Variants in SHOC1 observed in about 807,000 individuals in gnomAD.
The protein encoded by SHOC1 is protein shortage in chiasmata 1 ortholog.
Under a neutral mutation model 179.2 loss-of-function variants are expected in SHOC1, and 136 were observed. That is an observed-to-expected ratio of 0.76 (90% CI 0.66 to 0.87). SHOC1 has a LOEUF of 0.87. SHOC1 is among the 40% of genes least tolerant of loss of function. SHOC1 has a pLI of 0.00. For synonymous variants in SHOC1, 489 were observed against 586.6 expected (o/e 0.83, Z 2.41); for missense variants, 1,538 against 1,700.8 (o/e 0.90, Z 1.68).
rs533755179 is a variant in SHOC1, at chr9:111,703,948, T to G, written c.2900A>C (p.Lys967Thr). 3 of 1,608,460 alleles carry G rather than the reference T, an allele frequency of 1.9e-6. No homozygotes were observed. The African/African-American group carries it at 4.0e-5, about 21-fold the overall frequency. Residue 967 changes from lysine (K) to threonine (T), a missense_variant, in exon 22 of 28, where the codon AAA becomes ACA. Transcript: ENST00000682961. The stretch of plus-strand genomic sequence containing the variant: ...ATAACACTCTGAACTTCCAAAGAGT[T>G]TCAATGACTCACTGCAGCCTCTCTC... ...LVERGCSESL[K>T]LFGSSECYVV...
At chr9:111,731,286 A>G (rs1473885131) in intron 12 of SHOC1, among the ~76,000 whole-genome samples, 1 of 152,182 alleles carries the variant, frequency 6.6e-6, no homozygotes, top group Non-Finnish European at 1.5e-5. Flanking sequence ...CAACTTGGCA[A>G]CTGGCCAAAA....
intron 18 of SHOC1, among the ~76,000 whole-genome samples, chr9:111,712,553 G>A (rs530416193): frequency 6.6e-6 from 1 of 152,148 alleles, no homozygotes; most frequent in Non-Finnish European, 1.5e-5. Context: ...AAAGAGCAGA[G>A]TTTGCATAAC....
intron 2 of SHOC1, among the ~76,000 whole-genome samples, chr9:111,787,149 G>A (rs1471700589): frequency 6.6e-6 from 1 of 152,190 alleles, no homozygotes; most frequent in Non-Finnish European, 1.5e-5. Context: ...GGCCACCCAA[G>A]AGCTCTGATG....
intron 8 of SHOC1, among the ~76,000 whole-genome samples, chr9:111,751,739 TG>T (rs1244747008): frequency 6.6e-5 from 10 of 152,196 alleles, no homozygotes; most frequent in Admixed American, 6.5e-4. Flanking sequence ...ATCTGGCTTT[TG>T]TTTTAAGAAA....
chr9:111,696,782 C>T (rs564007273), intron 24 of SHOC1, among the ~76,000 whole-genome samples: 12 of 152,272 alleles, frequency 7.9e-5, no homozygotes, highest in Middle Eastern at 6.8e-3. Flanking sequence ...TTACCCTGAG[C>T]TGGGAAGAGA....
At chr9:111,742,637 A>G (rs1834095013) in intron 10 of SHOC1, among the ~76,000 whole-genome samples, 1 of 152,178 alleles carries the variant, frequency 6.6e-6, no homozygotes, top group East Asian at 1.9e-4. Context: ...CTGAGTGAGA[A>G]CTGATTGTAT....
chr9:111,754,423 C>T (rs532694269), intron 8 of SHOC1, among the ~76,000 whole-genome samples: 1 of 152,302 alleles, frequency 6.6e-6, no homozygotes, highest in East Asian at 1.9e-4. Context: ...TATCACTTCA[C>T]ACCTAGTAGG....
chr9:111,790,884 T>C (rs986679612), intron 2 of SHOC1, among the ~76,000 whole-genome samples: 4 of 152,172 alleles, frequency 2.6e-5, no homozygotes, highest in Non-Finnish European at 5.9e-5. Context: ...TGGAAAATAA[T>C]TTTCAATAAA....
At position 111,706,819 on chromosome 9, in the gene SHOC1, C is replaced by G. The variant is rs952365631; in HGVS notation, c.2559-73G>C. On this transcript the variant is annotated intron_variant, in intron 19 of 27. Coordinates refer to ENST00000682961, the MANE Select transcript of SHOC1 (RefSeq NM_001378211.1). ...ATTTTGTTGAACTATTAAAAGATGA[C>G]TGTTTTCTGGCTGTTCCATCCTTCT... 4.7e-6 allele frequency: 5 copies of G among 1,073,176 alleles called. No individual in the cohort carries two copies. In the African/African-American group the frequency reaches 6.5e-5, roughly 14 times the overall value. 66.5% of individuals were successfully genotyped at this position (1,073,176 alleles called of 1,614,324 possible). A position where few individuals can be genotyped will look rare whatever the true frequency, so the allele number is the denominator to read the frequency against.
In SHOC1 at chr9:111,706,718, G is replaced by A. The variant is rs752493347; in HGVS notation, c.2587C>T (p.Gln863Ter). The A allele has an allele frequency of 6.2e-7, 1 of 1,604,434 alleles. No individual in the cohort carries two copies. The highest frequency in any genetic ancestry group is 8.5e-7 in the Non-Finnish European group (1 of 1,175,498). The change falls in exon 20 of 28, where the codon CAA becomes TAA. Residue 863 changes from glutamine to a stop codon, truncating the protein, a stop_gained. Transcript: ENST00000682961. LOFTEE classifies it high-confidence loss of function. ...GTSSCVVVHN[Q>*]YIGADFPWSN... ...CAGGGGAAATCTGCTCCAATATATT[G>A]ATTATGTACAACTACACAGGAACTT...
intron 6 of SHOC1, 104 bp downstream of exon 6, chr9:111,758,586 TCAAAA>T (rs1386001909): frequency 3.5e-6 from 4 of 1,134,942 alleles, no homozygotes; most frequent in Non-Finnish European, 4.9e-6. Context: ...AAGACTCATC[TCAAAA>T]CAAAACAAAA....
At chr9:111,769,324 A>G (rs1368461550) in intron 5 of SHOC1, among the ~76,000 whole-genome samples, 1 of 152,128 alleles carries the variant, frequency 6.6e-6, no homozygotes, top group Non-Finnish European at 1.5e-5. Context: ...GCATTTAAGT[A>G]GGATTGCTAT....
chr9:111,759,363 C>A, intron 5 of SHOC1: 1 of 1,485,010 alleles, frequency 6.7e-7, no homozygotes, highest in Admixed American at 2.2e-5. Context: ...CACATGGTTG[C>A]TATAAAATTA....
chr9:111,794,197 G>T (rs867792255), intron 1 of SHOC1, among the ~76,000 whole-genome samples: 1 of 151,480 alleles, frequency 6.6e-6, no homozygotes, highest in African/African-American at 2.4e-5. Context: ...TGAATCTTCG[G>T]GCTGGCTTCC....
At position 111,692,443 on chromosome 9, in the gene SHOC1, C is replaced by A. The variant is rs200568507; in HGVS notation, c.3534G>T (p.Ser1178=). The A allele has an allele frequency of 3.1e-6, 5 of 1,607,618 alleles. No individual in the cohort carries two copies. In the South Asian group the frequency reaches 5.6e-5, roughly 18 times the overall value. ...TCTGATTCCTATTTTCCTGAGGTGACGAAATTTGCGGTGATTTTGTTATGG... is the reference window on the plus strand; with the variant it reads ...TCTGATTCCTATTTTCCTGAGGTGAAGAAATTTGCGGTGATTTTGTTATGG... ...SSSITKSPQI[S]SPQENRNQIS... The change falls in exon 27 of 28, where the codon TCG becomes TCT. Residue 1178 remains serine (S), a synonymous_variant. Transcript: ENST00000682961.
intron 7 of SHOC1, among the ~76,000 whole-genome samples, chr9:111,756,814 T>G (rs1834882565): frequency 6.6e-6 from 1 of 152,128 alleles, no homozygotes; most frequent in South Asian, 2.1e-4. Context: ...AGATGAGAGA[T>G]AATAAATGGT....
At chr9:111,741,778 T>A (rs1345573638) in intron 10 of SHOC1, among the ~76,000 whole-genome samples, 1 of 152,010 alleles carries the variant, frequency 6.6e-6, no homozygotes, top group African/African-American at 2.4e-5. Context: ...ATTACAGGCG[T>A]CTGCCACCAT....
chr9:111,781,865 G>A (rs539656403), intron 3 of SHOC1, among the ~76,000 whole-genome samples: 2 of 150,850 alleles, frequency 1.3e-5, no homozygotes, highest in Admixed American at 6.6e-5. Context: ...CCTACCACCA[G>A]TGTTACTTCT....
intron 2 of SHOC1, among the ~76,000 whole-genome samples, chr9:111,788,339 G>A (rs1354471916): frequency 1.3e-5 from 2 of 152,114 alleles, no homozygotes; most frequent in Non-Finnish European, 2.9e-5. Context: ...TAGAGACAGG[G>A]TTTTGCCATG....
Sources: allele counts gnomAD v4.1 joint callset (sites outside exome capture counted in the v4.1 genomes callset), GRCh38; gene constraint gnomAD v4.1.1; transcripts MANE v1.5; gene names NCBI Gene and HGNC (gene_info 2026-07-23, HGNC 2026-07-21).